NRG3: variants seen among roughly 807,000 people sequenced by gnomAD.
NRG3 encodes the protein neuregulin 3.
In NRG3, 31 loss-of-function variants were observed where a neutral mutation model predicts 66.9. The ratio of observed to expected loss-of-function variants is 0.46; its 90% confidence interval spans 0.35 to 0.63. The LOEUF (loss-of-function observed/expected upper bound fraction) is 0.63, where lower values mean the gene tolerates loss of function less well. Among genes scored for constraint, NRG3 ranks in the 20% least tolerant of loss-of-function variants. The probability of loss-of-function intolerance (pLI) is 0.00; values close to 1 mark genes in which losing one functional copy is unlikely to be tolerated. For missense variants in NRG3, 910 were observed against 878.9 expected (o/e 1.04, Z -0.45); for synonymous variants, 393 against 359.4 (o/e 1.09, Z -1.06).
chr10:82,926,370 C>T (rs1357708247), intron 4 of NRG3, among the ~76,000 whole-genome samples: 1 of 152,172 alleles, frequency 6.6e-6, no homozygotes, highest in African/African-American at 2.4e-5. Flanking sequence ...CAAGCATATC[C>T]AGGGACAACT....
At chr10:82,627,563 C>T (rs1237024240) in intron 2 of NRG3, among the ~76,000 whole-genome samples, 1 of 152,066 alleles carries the variant, frequency 6.6e-6, no homozygotes, top group South Asian at 2.1e-4. Flanking sequence ...GAATGATAAA[C>T]TTTATCATAT....
chr10:82,095,417 A>T (rs138474094), intron 1 of NRG3, among the ~76,000 whole-genome samples: 1,542 of 152,324 alleles, frequency 0.01, 14 homozygotes, highest in Non-Finnish European at 0.014. Flanking sequence ...AAAAGTCCAC[A>T]TGAGTATCAC....
At chr10:81,978,091 TCC>T (rs1169164499) in intron 1 of NRG3, among the ~76,000 whole-genome samples, 1 of 152,182 alleles carries the variant, frequency 6.6e-6, no homozygotes, top group Non-Finnish European at 1.5e-5. Context: ...AGTACAGTCA[TCC>T]TATAGTGCTA....
At chr10:82,785,020 C>T (rs987780994) in intron 3 of NRG3, among the ~76,000 whole-genome samples, 2 of 152,092 alleles carry the variant, frequency 1.3e-5, no homozygotes, top group Non-Finnish European at 2.9e-5. Flanking sequence ...GAATACTATG[C>T]AGCCATAAAA....
rs190376803 is a variant in NRG3 at position 82,185,592 on chromosome 10, A to T, written c.824-173147A>T. On this transcript the variant is annotated intron_variant, in intron 1 of 8. Transcript: ENST00000372141. ...CAGCTTATTAGAGTAGAAACATATA[A>T]CAATAAACATCTATTCATACACACA... Among the ~76,000 whole-genome samples, 18 of 152,312 alleles carry T rather than the reference A, an allele frequency of 1.2e-4. No homozygotes were observed. The East Asian group carries it at 3.5e-3, about 29-fold the overall frequency.
At chr10:82,595,822 G>C (rs561519672) in intron 2 of NRG3, among the ~76,000 whole-genome samples, 1 of 151,766 alleles carries the variant, frequency 6.6e-6, no homozygotes, top group African/African-American at 2.4e-5. Context: ...AGTCATATTC[G>C]TTCAGCTTGA....
intron 1 of NRG3, among the ~76,000 whole-genome samples, chr10:82,014,897 G>A (rs2061720583): frequency 6.6e-6 from 1 of 152,134 alleles, no homozygotes; most frequent in Non-Finnish European, 1.5e-5. Flanking sequence ...TGGCCAGCAA[G>A]GAACAGAGAT....
chr10:82,321,455 T>C (rs2081575790), intron 1 of NRG3, among the ~76,000 whole-genome samples: 1 of 152,218 alleles, frequency 6.6e-6, no homozygotes, highest in African/African-American at 2.4e-5. Context: ...TGATTATTGT[T>C]TCCCTTCTTG....
intron 2 of NRG3, among the ~76,000 whole-genome samples, chr10:82,456,735 CAAAT>C (rs1197161948): frequency 6.6e-6 from 1 of 151,878 alleles, no homozygotes; most frequent in Non-Finnish European, 1.5e-5. Context: ...ATTAAAAAAA[CAAAT>C]AAAACAACTC....
chr10:82,294,071 A>G (rs370366347), intron 1 of NRG3, among the ~76,000 whole-genome samples: 1 of 152,264 alleles, frequency 6.6e-6, no homozygotes, highest in East Asian at 1.9e-4. Context: ...GATGAGAAGT[A>G]TCCCATCCTA....
intron 3 of NRG3, among the ~76,000 whole-genome samples, chr10:82,858,878 C>G (rs889833567): frequency 1.3e-5 from 2 of 151,696 alleles, no homozygotes; most frequent in African/African-American, 4.9e-5. Flanking sequence ...CTCCACATAC[C>G]TAGGAGGGAA....
At chr10:81,916,273 C>T (rs1477078274) in intron 1 of NRG3, among the ~76,000 whole-genome samples, 1 of 152,098 alleles carries the variant, frequency 6.6e-6, no homozygotes, top group Non-Finnish European at 1.5e-5. Context: ...GCCTTTACTC[C>T]TCAGTAAGTA....
intron 1 of NRG3, among the ~76,000 whole-genome samples, chr10:81,897,988 A>C (rs1429978969): frequency 1.3e-5 from 2 of 152,186 alleles, no homozygotes; most frequent in African/African-American, 4.8e-5. Context: ...ACTGTAGACC[A>C]ATCAGTCTCT....
At chr10:81,950,102 T>C (rs955925295) in intron 1 of NRG3, among the ~76,000 whole-genome samples, 3 of 152,174 alleles carry the variant, frequency 2.0e-5, no homozygotes, top group African/African-American at 7.2e-5. Context: ...CTTAGAAGTT[T>C]CTGGGAGCCA....
chr10:82,763,450 T>C (rs1287836974), intron 3 of NRG3, among the ~76,000 whole-genome samples: 1 of 152,156 alleles, frequency 6.6e-6, no homozygotes, highest in Non-Finnish European at 1.5e-5. Flanking sequence ...AATAGAATTA[T>C]AGAGGAATTC....
intron 2 of NRG3, among the ~76,000 whole-genome samples, chr10:82,394,813 C>T (rs2086615763): frequency 6.6e-6 from 1 of 152,062 alleles, no homozygotes; most frequent in Non-Finnish European, 1.5e-5. Flanking sequence ...GACCTGAGGT[C>T]CTCTCTCCCA....
chr10:81,901,158 A>G (rs1021257115), intron 1 of NRG3, among the ~76,000 whole-genome samples: 7 of 152,302 alleles, frequency 4.6e-5, no homozygotes, highest in Admixed American at 2.6e-4. Context: ...ACTGTCTCAC[A>G]TGACACTTAA....
At position 82,810,429 on chromosome 10, in the gene NRG3, A is replaced by G. The variant is rs576388033; in HGVS notation, c.1028-54982A>G. Among the ~76,000 whole-genome samples, 7 of 152,198 alleles carry G rather than the reference A, an allele frequency of 4.6e-5. No homozygotes were observed. In the East Asian group the frequency reaches 1.4e-3, roughly 29 times the overall value. On this transcript the variant is annotated intron_variant, in intron 3 of 8. Coordinates refer to ENST00000372141, the MANE Select transcript of NRG3 (RefSeq NM_001010848.4). Reference sequence around the variant, plus strand: ...CTAGGTTCATTTTTGCTTAAAATGGACTGGATTAGTATGTGACTAAAGACA... The same window carrying G: ...CTAGGTTCATTTTTGCTTAAAATGGGCTGGATTAGTATGTGACTAAAGACA...
chr10:82,494,986 G>T (rs528270155), intron 2 of NRG3, among the ~76,000 whole-genome samples: 2 of 151,242 alleles, frequency 1.3e-5, no homozygotes, highest in African/African-American at 2.4e-5. Context: ...TGTCACCCAG[G>T]CTGCAATGCA....
Sources: gnomAD v4.1 joint callset for allele counts (sites outside exome capture counted in the v4.1 genomes callset) on GRCh38, gnomAD v4.1.1 for gene constraint, MANE v1.5 for transcripts, NCBI Gene and HGNC (gene_info 2026-07-23, HGNC 2026-07-21) for gene names.